GRAMD1B: variants seen among roughly 807,000 people sequenced by gnomAD.
The protein encoded by GRAMD1B is GRAM domain containing 1B.
Under a neutral mutation model 99.7 loss-of-function variants are expected in GRAMD1B, and 37 were observed. That is an observed-to-expected ratio of 0.37 (90% CI 0.29 to 0.49). GRAMD1B has a LOEUF of 0.49. Ranked by LOEUF, GRAMD1B falls within the 20% of genes least tolerant of loss-of-function variation. The pLI, the probability that GRAMD1B is intolerant of heterozygous loss-of-function variation, is 0.98. For missense variants in GRAMD1B, 888 were observed against 1,009.2 expected (o/e 0.88, Z 1.63); for synonymous variants, 427 against 387.6 (o/e 1.10, Z -1.19).
intron 2 of GRAMD1B, among the ~76,000 whole-genome samples, chr11:123,539,555 T>G (rs553891563): frequency 2.0e-5 from 3 of 152,240 alleles, no homozygotes; most frequent in African/African-American, 7.2e-5. Flanking sequence ...TGAGCCATAA[T>G]CACACCACTG....
At chr11:123,381,886 G>A (rs970469804) in intron 1 of GRAMD1B, among the ~76,000 whole-genome samples, 3 of 152,200 alleles carry the variant, frequency 2.0e-5, no homozygotes, top group Non-Finnish European at 4.4e-5. Context: ...AAGTCAGCCA[G>A]CTAGGACCGG....
chr11:123,460,772 C>T (rs902520638), intron 1 of GRAMD1B, among the ~76,000 whole-genome samples: 3 of 152,180 alleles, frequency 2.0e-5, no homozygotes, highest in African/African-American at 7.2e-5. Flanking sequence ...AACAGCACAG[C>T]TTGCGGGCTG....
At chr11:123,443,368 C>T (rs1342505712) in intron 1 of GRAMD1B, among the ~76,000 whole-genome samples, 1 of 152,116 alleles carries the variant, frequency 6.6e-6, no homozygotes, top group Non-Finnish European at 1.5e-5. Context: ...TGGCCCAAGG[C>T]ACAGTCCAAG....
intron 1 of GRAMD1B, among the ~76,000 whole-genome samples, chr11:123,405,222 AAG>A (rs558941764): frequency 9.2e-5 from 13 of 141,218 alleles, no homozygotes; most frequent in East Asian, 2.1e-4. Flanking sequence ...GTGTGTGTGA[AAG>A]AGAGAGAGAG....
chr11:123,469,769 C>CCTTCCTTCCTTCCT lies in GRAMD1B; in HGVS notation c.375-11047_375-11046insCTTCCTTCCTTCCT, dbSNP rs1555128621. Among the ~76,000 whole-genome samples, 168 of 90,320 alleles carry CCTTCCTTCCTTCCT rather than the reference C, an allele frequency of 1.9e-3. 2 individuals carry two copies. Among genetic ancestry groups the CCTTCCTTCCTTCCT allele is most frequent in the East Asian group, 8.7e-3 (22 of 2,524 alleles). 59.3% of individuals were successfully genotyped at this position (90,320 alleles called of 152,430 possible). On this transcript the variant is annotated intron_variant, in intron 1 of 19. Transcript: ENST00000635736. ...TCTTTCTTTCTTTCCTTCTTTCTTT[C>CCTTCCTTCCTTCCT]TCTTTCTTTCCTTCCTTCCTTCCTT...
At chr11:123,570,546 C>T (rs191306138) in intron 2 of GRAMD1B, among the ~76,000 whole-genome samples, 3 of 151,262 alleles carry the variant, frequency 2.0e-5, no homozygotes, top group African/African-American at 7.3e-5. Context: ...GCCTAAGCCT[C>T]CTGAGTAGCT....
intron 1 of GRAMD1B, among the ~76,000 whole-genome samples, chr11:123,359,439 A>T (rs1174339201): frequency 6.6e-6 from 1 of 152,122 alleles, no homozygotes. Context: ...CTTGTGGAGT[A>T]GATGAAGGAA....
At chr11:123,399,728 G>A (rs112121696) in intron 1 of GRAMD1B, among the ~76,000 whole-genome samples, 3,815 of 152,186 alleles carry the variant, frequency 0.025, 102 homozygotes, top group African/African-American at 0.061. Context: ...TCCTGCCTCA[G>A]CCTCTTGAGT....
At chr11:123,477,964 A>AT (rs891402595) in intron 1 of GRAMD1B, among the ~76,000 whole-genome samples, 13 of 149,346 alleles carry the variant, frequency 8.7e-5, no homozygotes, top group African/African-American at 2.2e-4. Flanking sequence ...GTTATTTTTT[A>AT]TTTTTTTTAG....
Position 123,477,731 on chromosome 11 carries a change from T to A in GRAMD1B, c.375-3085T>A, listed in dbSNP as rs190413306. On this transcript the variant is annotated intron_variant, in intron 1 of 19. Transcript: ENST00000635736. Reference sequence around the variant, plus strand: ...TCCCTTCCTTTCCTTTCCCTTTCTCTTCCCTTCCCTTTCCTTTTCCCTTTC... The same window carrying A: ...TCCCTTCCTTTCCTTTCCCTTTCTCATCCCTTCCCTTTCCTTTTCCCTTTC... Among the ~76,000 whole-genome samples the A allele has an allele frequency of 1.0e-3, 145 of 144,820 alleles. 1 individual carries two copies. The highest frequency in any genetic ancestry group is 5.3e-4 in the Non-Finnish European group (35 of 66,222).
Position 123,389,702 on chromosome 11 carries a change from G to A in GRAMD1B, c.-176+30903G>A, listed in dbSNP as rs137931848. ...TGAGATGTTAATAATAGAAGAAACC[G>A]GGTGTGGAGTCTATAAGAGCTCTGT... is the stretch of plus-strand genomic sequence containing the variant. On this transcript the variant is annotated intron_variant, in intron 1 of 20. Coordinates refer to the GRAMD1B transcript ENST00000638157. Among the ~76,000 whole-genome samples the A allele has an allele frequency of 5.3e-3, 812 of 152,136 alleles. 6 individuals are homozygous for A. Among genetic ancestry groups the A allele is most frequent in the Non-Finnish European group, 7.7e-3 (526 of 68,000 alleles).
At chr11:123,531,635 C>T (rs1326401220) in intron 2 of GRAMD1B, among the ~76,000 whole-genome samples, 1 of 151,390 alleles carries the variant, frequency 6.6e-6, no homozygotes, top group Non-Finnish European at 1.5e-5. Context: ...GAAGACACTT[C>T]TCATCTCTTG....
intron 4 of GRAMD1B, among the ~76,000 whole-genome samples, chr11:123,586,134 A>G (rs1348973802): frequency 2.6e-5 from 4 of 151,812 alleles, no homozygotes; most frequent in African/African-American, 9.7e-5. Context: ...CAGCATAGCG[A>G]TGGGGTAGAA....
intron 1 of GRAMD1B, among the ~76,000 whole-genome samples, chr11:123,392,881 C>T (rs1186819688): frequency 6.6e-6 from 1 of 152,144 alleles, no homozygotes; most frequent in Non-Finnish European, 1.5e-5. Flanking sequence ...GCTCATTGTT[C>T]ATGAATTTCA....
At chr11:123,440,819 C>G (rs968478838) in intron 1 of GRAMD1B, among the ~76,000 whole-genome samples, 2 of 152,138 alleles carry the variant, frequency 1.3e-5, no homozygotes, top group Admixed American at 6.6e-5. Context: ...GCGTCCCCAC[C>G]CAATTCAATC....
At chr11:123,496,358 T>G (rs1017519700) in intron 2 of GRAMD1B, among the ~76,000 whole-genome samples, 3 of 152,172 alleles carry the variant, frequency 2.0e-5, no homozygotes, top group Non-Finnish European at 2.9e-5. Context: ...TGTATGTTGT[T>G]TCTTTTCTCT....
rs1378753599 is a variant in GRAMD1B, at chr11:123,492,197, G to T, written c.452+11304G>T. On this transcript the variant is annotated intron_variant, in intron 2 of 19. Transcript: ENST00000635736. This position sits in a 1 kb window ranked among gnomAD's most constrained non-coding sequence, Gnocchi z 4.2. ...CGGGTCCTTCTTCATAACTGGCCAG[G>T]GACCATTACTTTTCTCCTTTATGAT... is the stretch of plus-strand genomic sequence containing the variant. Among the ~76,000 whole-genome samples, 1 of 152,048 alleles carries T rather than the reference G, an allele frequency of 6.6e-6. No individual in the cohort carries two copies. Among genetic ancestry groups the T allele is most frequent in the African/African-American group, 2.4e-5 (1 of 41,394 alleles).
intron 2 of GRAMD1B, among the ~76,000 whole-genome samples, chr11:123,505,860 C>T (rs1940373765): frequency 6.6e-6 from 1 of 152,210 alleles, no homozygotes; most frequent in South Asian, 2.1e-4. Flanking sequence ...TTCTTTCTCT[C>T]CCTCTCTTCT....
In GRAMD1B at chr11:123,435,162, T is replaced by A. The variant is rs187546889; in HGVS notation, c.374+3996T>A. On this transcript the variant is annotated intron_variant, in intron 1 of 19. Transcript: ENST00000635736. ...CCTCACACAATTCAGGATTTGGAAA[T>A]GATGGTTGGAAAATGGCTCTGCTCT... Among the ~76,000 whole-genome samples, 32 of 152,268 alleles carry A rather than the reference T, an allele frequency of 2.1e-4. No homozygotes were observed. The East Asian group carries it at 4.4e-3, about 21-fold the overall frequency.
Sources: gnomAD v4.1 joint callset for allele counts (sites outside exome capture counted in the v4.1 genomes callset) on GRCh38, gnomAD v4.1.1 for gene constraint, Gnocchi (gnomAD v3.1) non-coding constraint, MANE v1.5 for transcripts, NCBI Gene and HGNC (gene_info 2026-07-23, HGNC 2026-07-21) for gene names.